Variants in CNOT6 observed in about 807,000 individuals in gnomAD.
CNOT6 encodes carbon catabolite repression 4 protein.
CNOT6 carries 12 observed loss-of-function variants against 61.2 expected under a neutral mutation model. The ratio of observed to expected loss-of-function variants is 0.20; its 90% CI spans 0.13 to 0.32. The LOEUF (loss-of-function observed/expected upper bound fraction) is 0.32. Among genes scored for constraint, CNOT6 ranks in the 10% least tolerant of loss-of-function variants. The pLI, the probability that CNOT6 is intolerant of heterozygous loss-of-function variation, is 1.00. For missense variants in CNOT6, 405 were observed against 663.9 expected, an observed-to-expected ratio of 0.61 and a Z score of 4.28; for synonymous variants, 225 against 240.6, an observed-to-expected ratio of 0.94 and a Z score of 0.60.
chr5:180,503,999 A>G (rs1471243273), intron 1 of CNOT6, among the ~76,000 whole-genome samples: 2 of 152,168 alleles, frequency 1.3e-5, no homozygotes, highest in South Asian at 2.1e-4. Context: ...TGTTGGCCCA[A>G]ATTTATAACC....
chr5:180,573,220 C>A (rs1478360), intron 11 of CNOT6, among the ~76,000 whole-genome samples: 1 of 151,918 alleles, frequency 6.6e-6, no homozygotes, highest in East Asian at 1.9e-4. Context: ...GAGGGGAGGA[C>A]CAGAACCATC....
intron 4 of CNOT6, among the ~76,000 whole-genome samples, chr5:180,564,277 CCATTAA>C (rs1760337584): frequency 6.6e-6 from 1 of 152,122 alleles, no homozygotes. Context: ...TGACATCAGC[CCATTAA>C]CATTATGTTT....
intron 2 of CNOT6, among the ~76,000 whole-genome samples, chr5:180,532,613 T>A (rs1217154660): frequency 2.0e-5 from 3 of 152,120 alleles, no homozygotes; most frequent in Non-Finnish European, 2.9e-5. Flanking sequence ...CAGACACCAG[T>A]TAGGTGCCCT....
chr5:180,515,895 T>C (rs1416450498), intron 1 of CNOT6, among the ~76,000 whole-genome samples: 2 of 152,060 alleles, frequency 1.3e-5, no homozygotes, highest in Admixed American at 1.3e-4. Context: ...AGATGTCAAA[T>C]TCAAGATTAA....
chr5:180,538,598 G>A (rs1758838309), intron 2 of CNOT6, among the ~76,000 whole-genome samples: 1 of 150,922 alleles, frequency 6.6e-6, no homozygotes, highest in Non-Finnish European at 1.5e-5. Flanking sequence ...CTAGGCAGGA[G>A]AATTGCTTGA....
intron 1 of CNOT6, among the ~76,000 whole-genome samples, chr5:180,527,800 G>C (rs539226237): frequency 1.3e-5 from 2 of 152,124 alleles, no homozygotes; most frequent in African/African-American, 4.8e-5. Flanking sequence ...GAACTGGGTC[G>C]CACAGCAGGA....
intron 1 of CNOT6, among the ~76,000 whole-genome samples, chr5:180,528,364 G>A (rs2127719666): frequency 6.6e-6 from 1 of 152,292 alleles, no homozygotes; most frequent in African/African-American, 2.4e-5. Flanking sequence ...AGGCTGGAGT[G>A]CAGTGGCACG....
intron 1 of CNOT6, among the ~76,000 whole-genome samples, chr5:180,513,330 T>C (rs1757484356): frequency 6.6e-6 from 1 of 152,080 alleles, no homozygotes; most frequent in Non-Finnish European, 1.5e-5. Flanking sequence ...GCTGGGACCA[T>C]AGGCGTGTGC....
intron 4 of CNOT6, among the ~76,000 whole-genome samples, chr5:180,562,530 G>C (rs1165192636): frequency 6.6e-6 from 1 of 152,162 alleles, no homozygotes. Context: ...CACGAGGTCA[G>C]GAGATTGAGA....
At chr5:180,513,261 C>T (rs1757481419) in intron 1 of CNOT6, among the ~76,000 whole-genome samples, 2 of 152,178 alleles carry the variant, frequency 1.3e-5, no homozygotes, top group African/African-American at 4.8e-5. Context: ...ACAATCAAGG[C>T]TCACTGCAGC....
intron 2 of CNOT6, among the ~76,000 whole-genome samples, chr5:180,541,430 C>G (rs1422701754): frequency 5.1e-5 from 7 of 136,622 alleles, no homozygotes; most frequent in Middle Eastern, 8.5e-3. Context: ...ACCACCACAA[C>G]TGGCCAAGAA....
intron 1 of CNOT6, among the ~76,000 whole-genome samples, chr5:180,497,925 C>T (rs997586963): frequency 6.6e-6 from 1 of 152,118 alleles, no homozygotes; most frequent in South Asian, 2.1e-4. Flanking sequence ...TGCCTGTAAT[C>T]CCAGCTACTC....
chr5:180,494,513 A>C lies in CNOT6; in HGVS notation c.-253A>C, dbSNP rs899938741. ...GAAGGCAGCGGCGGGCGCAGCGAGG[A>C]GGGCGAGGCCGGGGGCCGAGAGGGC... On this transcript the variant is annotated 5_prime_UTR_variant, in exon 1 of 12. Transcript: ENST00000261951. The C allele has an allele frequency of 0.016, 2,316 of 147,442 alleles. 52 individuals are homozygous for C. Among genetic ancestry groups the C allele is most frequent in the African/African-American group, 0.056 (2,156 of 38,356 alleles). The allele number at this position is 147,442 out of a possible 1,614,324, so 9.1% of individuals were successfully genotyped here.
intron 2 of CNOT6, among the ~76,000 whole-genome samples, chr5:180,545,289 A>G (rs777658211): frequency 1.7e-4 from 26 of 152,298 alleles, no homozygotes; most frequent in Non-Finnish European, 2.9e-4. Context: ...AAAGTTTGTG[A>G]TCCTTCCTTC....
At chr5:180,510,461 A>C (rs1156421625) in intron 1 of CNOT6, among the ~76,000 whole-genome samples, 1 of 152,084 alleles carries the variant, frequency 6.6e-6, no homozygotes, top group Non-Finnish European at 1.5e-5. Flanking sequence ...GCTTGTGACT[A>C]TCGTCTAATG....
At chr5:180,515,695 T>G (rs1031866898) in intron 1 of CNOT6, among the ~76,000 whole-genome samples, 19 of 152,010 alleles carry the variant, frequency 1.2e-4, no homozygotes, top group African/African-American at 4.6e-4. Context: ...GCGCCCTAAC[T>G]TACAGTAGCT....
At chr5:180,531,339 C>T (rs1758362392) in intron 2 of CNOT6, among the ~76,000 whole-genome samples, 1 of 151,934 alleles carries the variant, frequency 6.6e-6, no homozygotes, top group East Asian at 1.9e-4. Flanking sequence ...CTCCTCAGTT[C>T]CCAGACGGGG....
At chr5:180,506,123 T>C (rs1209353200) in intron 1 of CNOT6, among the ~76,000 whole-genome samples, 3 of 152,224 alleles carry the variant, frequency 2.0e-5, no homozygotes, top group African/African-American at 4.8e-5. Flanking sequence ...AGTCAGATTG[T>C]CCCTGGTTCA....
chr5:180,506,002 G>T (rs776854444), intron 1 of CNOT6, among the ~76,000 whole-genome samples: 1 of 152,170 alleles, frequency 6.6e-6, no homozygotes, highest in Non-Finnish European at 1.5e-5. Context: ...TAAATGAGGG[G>T]CTCATGATCC....
Sources: allele counts gnomAD v4.1 joint callset (sites outside exome capture counted in the v4.1 genomes callset), GRCh38; gene constraint gnomAD v4.1.1; transcripts MANE v1.5; gene names NCBI Gene and HGNC (gene_info 2026-07-23, HGNC 2026-07-21).